The following YIPF7 variants were observed in gnomAD, a reference collection of about 807,000 sequenced individuals.
The protein encoded by YIPF7 is Yip1 domain family member 7.
A neutral mutation model predicts 27.2 loss-of-function variants in YIPF7; 35 were observed. The ratio of observed to expected loss-of-function variants is 1.29; its 90% CI spans 0.98 to 1.70. The LOEUF is 1.70. YIPF7 is among the 40% of genes most tolerant of loss of function. The probability of loss-of-function intolerance (pLI) is 0.00; values close to 1 mark genes in which losing one functional copy is unlikely to be tolerated. For missense variants in YIPF7, 358 were observed against 303.7 expected (o/e 1.18, Z -1.33); for synonymous variants, 137 against 110.4 (o/e 1.24, Z -1.51).
At chr4:44,655,195 A>T (rs1010823300), upstream of YIPF7, among the ~76,000 whole-genome samples, 1 of 152,040 alleles carries the variant, frequency 6.6e-6, no homozygotes, top group South Asian at 2.1e-4. Context: ...GTATGGATGA[A>T]TCATAACTAT....
intron 2 of YIPF7, among the ~76,000 whole-genome samples, chr4:44,636,401 G>T (rs1276037534): frequency 6.6e-6 from 1 of 152,050 alleles, no homozygotes; most frequent in Admixed American, 6.6e-5. Flanking sequence ...TACAGAAAAA[G>T]ACATAGAATT....
At chr4:44,641,944 A>G (rs1307573022) in intron 2 of YIPF7, among the ~76,000 whole-genome samples, 1 of 152,208 alleles carries the variant, frequency 6.6e-6, no homozygotes, top group Non-Finnish European at 1.5e-5. Flanking sequence ...TAGCAATAGG[A>G]ATCCGAATGG....
At chr4:44,638,369 G>A (rs1305152966) in intron 2 of YIPF7, among the ~76,000 whole-genome samples, 15 of 151,338 alleles carry the variant, frequency 9.9e-5, no homozygotes, top group Admixed American at 9.9e-4. Context: ...TGACAGGTGA[G>A]GGCAAAACAG....
rs1440927929 is a variant in YIPF7 at position 44,649,858 on chromosome 4, T to G, written c.116+127A>C. On this transcript the variant is annotated intron_variant, in intron 2 of 5. Transcript: ENST00000415895. ...CTTGGATTTTTTTTGTGGGTCTAGT[T>G]TAGAGGGCAAGAAAGATCAGACCCT... 6 of 601,398 alleles carry G rather than the reference T, an allele frequency of 1.0e-5. No homozygotes were observed. In the Admixed American group the frequency reaches 2.1e-4, roughly 21 times the overall value. 37.3% of individuals were successfully genotyped at this position (601,398 alleles called of 1,614,324 possible). A position where few individuals can be genotyped will look rare whatever the true frequency, so the allele number is the denominator to read the frequency against.
At position 44,622,206 on chromosome 4, in the gene YIPF7, A is replaced by C; in HGVS notation, c.*208T>G. 1.7e-6 allele frequency: 1 copy of C among 592,538 alleles called. No individual in the cohort carries two copies. The highest frequency in any genetic ancestry group is 3.0e-5 in the East Asian group (1 of 33,788). 36.7% of individuals were successfully genotyped at this position (592,538 alleles called of 1,614,324 possible). On this transcript the variant is annotated 3_prime_UTR_variant, in exon 6 of 6. Transcript: ENST00000415895. Reference sequence around the variant, plus strand: ...CCCTTTTGATTTTAAGTATTTTGAAATGTTTTAATGCACCAAACTCAAAAG... The same window carrying C: ...CCCTTTTGATTTTAAGTATTTTGAACTGTTTTAATGCACCAAACTCAAAAG...
At chr4:44,636,107 C>T in intron 2 of YIPF7, 22 bp from the exon 3 acceptor site, 1 of 1,577,714 alleles carries the variant, frequency 6.3e-7, no homozygotes. Flanking sequence ...AAAATACAAA[C>T]ATTTACATGT....
chr4:44,645,626 T>C (rs912173108), intron 2 of YIPF7, among the ~76,000 whole-genome samples: 6 of 152,318 alleles, frequency 3.9e-5, no homozygotes, highest in African/African-American at 1.4e-4. Flanking sequence ...AATACTGAAA[T>C]TGTGATAATT....
upstream of YIPF7, among the ~76,000 whole-genome samples, chr4:44,654,520 C>T (rs767879277): frequency 7.9e-5 from 12 of 151,744 alleles, no homozygotes; most frequent in Non-Finnish European, 1.6e-4. Context: ...TAAGTTGATC[C>T]TATCTATTCC....
intron 3 of YIPF7, among the ~76,000 whole-genome samples, chr4:44,631,231 T>C (rs561812524): frequency 6.6e-6 from 1 of 152,294 alleles, no homozygotes; most frequent in Admixed American, 6.5e-5. Flanking sequence ...TCAATGTTCA[T>C]CTACTCTCAT....
Position 44,649,983 on chromosome 4 carries a change from A to G in YIPF7, c.116+2T>C, listed in dbSNP as rs564690222. 4.8e-6 allele frequency: 7 copies of G among 1,450,972 alleles called. No homozygotes were observed. The highest frequency in any genetic ancestry group is 1.8e-4 in the Middle Eastern group (1 of 5,544). The allele number at this position is 1,450,972 out of a possible 1,614,324, so 89.9% of individuals were successfully genotyped here. A position where few individuals can be genotyped will look rare whatever the true frequency, so the allele number is the denominator to read the frequency against. ...AAAAAAAGAAAAATATTAAGTACTT[A>G]CTTTCTAGATCCATAAAGATTTCCA... On this transcript the variant is annotated splice_donor_variant, in intron 2 of 5. Transcript: ENST00000415895. LOFTEE classifies it high-confidence loss of function.
At chr4:44,659,984 G>C (rs1343350048) in intron 2 of YIPF7, among the ~76,000 whole-genome samples, 2 of 151,532 alleles carry the variant, frequency 1.3e-5, no homozygotes, top group African/African-American at 4.8e-5. Context: ...AGTGGTGGCG[G>C]CTGCCTGTAG....
upstream of YIPF7, among the ~76,000 whole-genome samples, chr4:44,655,069 C>A (rs1197767861): frequency 1.3e-5 from 2 of 152,116 alleles, no homozygotes; most frequent in Admixed American, 6.5e-5. Context: ...CTCTGGTGAT[C>A]TGTCACATGT....
intron 1 of YIPF7, among the ~76,000 whole-genome samples, chr4:44,651,266 T>G (rs1713730600): frequency 6.6e-6 from 1 of 152,180 alleles, no homozygotes; most frequent in African/African-American, 2.4e-5. Context: ...GATTTTTCAT[T>G]AGTAATGTGT....
At chr4:44,633,645 G>T (rs185450458) in intron 3 of YIPF7, among the ~76,000 whole-genome samples, 1 of 151,882 alleles carries the variant, frequency 6.6e-6, no homozygotes, top group Non-Finnish European at 1.5e-5. Flanking sequence ...GATATGCTGG[G>T]TTTAAAAAAT....
chr4:44,626,273 G>T (rs1262134144), intron 4 of YIPF7, among the ~76,000 whole-genome samples: 1 of 152,196 alleles, frequency 6.6e-6, no homozygotes, highest in Admixed American at 6.5e-5. Context: ...CATGCTAACA[G>T]AAATACATCA....
At chr4:44,627,057 C>T (rs949810808) in intron 4 of YIPF7, among the ~76,000 whole-genome samples, 2 of 151,962 alleles carry the variant, frequency 1.3e-5, no homozygotes, top group African/African-American at 4.8e-5. Context: ...GCTGGGATTA[C>T]AGGCATGAGC....
At chr4:44,650,215 A>C (rs1454511189) in intron 1 of YIPF7, 114 bp from the exon 2 acceptor site, 1 of 717,550 alleles carries the variant, frequency 1.4e-6, no homozygotes, top group African/African-American at 1.8e-5. Context: ...TCAGAAAAAA[A>C]GATGTCCTTT....
chr4:44,635,427 T>C (rs1470770666), intron 3 of YIPF7, among the ~76,000 whole-genome samples: 3 of 152,126 alleles, frequency 2.0e-5, no homozygotes, highest in Non-Finnish European at 4.4e-5. Flanking sequence ...CAAGCTGATA[T>C]GAAAGGGCTT....
chr4:44,638,505 T>C (rs1002249109), intron 2 of YIPF7, among the ~76,000 whole-genome samples: 1 of 152,184 alleles, frequency 6.6e-6, no homozygotes, highest in Non-Finnish European at 1.5e-5. Context: ...AAAACCATGA[T>C]GCAATACCAC....
Sources: gnomAD v4.1 joint callset for allele counts (sites outside exome capture counted in the v4.1 genomes callset) on GRCh38, gnomAD v4.1.1 for gene constraint, MANE v1.5 for transcripts, NCBI Gene and HGNC (gene_info 2026-07-23, HGNC 2026-07-21) for gene names.